The following PTPRK variants were observed in gnomAD, a reference collection of about 807,000 sequenced individuals.
PTPRK encodes the protein protein tyrosine phosphatase receptor type K, also known as receptor-type tyrosine-protein phosphatase kappa.
A neutral mutation model predicts 178.0 loss-of-function variants in PTPRK; 75 were observed. The ratio of observed to expected loss-of-function variants is 0.42; its 90% CI spans 0.35 to 0.51. The LOEUF is 0.51. Ranked by LOEUF, PTPRK falls within the 20% of genes least tolerant of loss-of-function variation. The probability of loss-of-function intolerance (pLI) is 0.02; values close to 1 mark genes in which losing one functional copy is unlikely to be tolerated. For synonymous variants in PTPRK, 637 were observed against 620.6 expected (o/e 1.03, Z -0.39); for missense variants, 1,441 against 1,797.8 (o/e 0.80, Z 3.59).
chr6:128,130,008 T>C (rs1793969615), intron 7 of PTPRK, among the ~76,000 whole-genome samples: 1 of 152,154 alleles, frequency 6.6e-6, no homozygotes, highest in Non-Finnish European at 1.5e-5. Flanking sequence ...GTTCTGAATG[T>C]ACTACTCTGC....
At chr6:128,240,265 A>G in intron 4 of PTPRK, 115 bp from the exon 5 acceptor site, 1 of 751,588 alleles carries the variant, frequency 1.3e-6, no homozygotes, top group Non-Finnish European at 2.2e-6. Flanking sequence ...CAAGACTAAC[A>G]TCAGAAAGAA....
chr6:128,485,272 G>C (rs186307673), intron 1 of PTPRK, among the ~76,000 whole-genome samples: 63 of 152,308 alleles, frequency 4.1e-4, no homozygotes, highest in Middle Eastern at 3.4e-3. Flanking sequence ...TTCTAAGTAA[G>C]TAACCAGCTA....
chr6:128,293,023 C>T (rs1245007790), intron 3 of PTPRK, among the ~76,000 whole-genome samples: 1 of 151,048 alleles, frequency 6.6e-6, no homozygotes, highest in Admixed American at 6.6e-5. Flanking sequence ...GCTTTGTGAC[C>T]CTGGTTAAGA....
chr6:128,128,848 A>C (rs1020095703), intron 7 of PTPRK, among the ~76,000 whole-genome samples: 2 of 152,234 alleles, frequency 1.3e-5, no homozygotes, highest in Non-Finnish European at 2.9e-5. Context: ...GTACGTTCAC[A>C]AGCTAATATG....
chr6:128,446,699 A>G (rs1847077556), intron 1 of PTPRK, among the ~76,000 whole-genome samples: 1 of 152,200 alleles, frequency 6.6e-6, no homozygotes, highest in African/African-American at 2.4e-5. Context: ...CAATTTAACT[A>G]AATTATAAGG....
At chr6:128,054,778 C>G (rs979741980) in intron 13 of PTPRK, among the ~76,000 whole-genome samples, 2 of 152,192 alleles carry the variant, frequency 1.3e-5, no homozygotes, top group Non-Finnish European at 2.9e-5. Flanking sequence ...TTTCATATCC[C>G]TACCCTCAGA....
intron 3 of PTPRK, among the ~76,000 whole-genome samples, chr6:128,303,650 A>C (rs1825961617): frequency 6.6e-6 from 1 of 152,184 alleles, no homozygotes; most frequent in African/African-American, 2.4e-5. Flanking sequence ...AATATCTTAA[A>C]ATAATATCTG....
intron 3 of PTPRK, among the ~76,000 whole-genome samples, chr6:128,256,777 C>CA (rs1321809010): frequency 2.0e-5 from 3 of 150,646 alleles, no homozygotes; most frequent in Non-Finnish European, 4.4e-5. Flanking sequence ...GACAATGATT[C>CA]AAAAAAAAGA....
rs913408066 is a variant in PTPRK, at chr6:128,251,854, C to A, written c.496-9252G>T. On this transcript the variant is annotated intron_variant, in intron 3 of 29. Transcript: ENST00000368226. ...ACAAGGGCTTTGATTACAAAAATAT[C>A]CTGAGGTTTAGCATTACCAATTGCC... 2.6e-5 allele frequency among the ~76,000 whole-genome samples: 4 copies of A among 152,200 alleles called. No individual in the cohort carries two copies. In the South Asian group the frequency reaches 8.3e-4, roughly 32 times the overall value.
At chr6:128,353,558 T>C (rs1833487221) in intron 2 of PTPRK, among the ~76,000 whole-genome samples, 2 of 152,300 alleles carry the variant, frequency 1.3e-5, no homozygotes, top group East Asian at 1.9e-4. Flanking sequence ...CTTGCATGGA[T>C]CCTAAGGGAA....
chr6:128,070,286 T>C (rs1305624063), intron 11 of PTPRK, among the ~76,000 whole-genome samples: 1 of 152,116 alleles, frequency 6.6e-6, no homozygotes, highest in Non-Finnish European at 1.5e-5. Flanking sequence ...CTCTACTTTA[T>C]ACTACAGTGT....
chr6:128,316,830 C>A (rs1828066325), intron 3 of PTPRK, among the ~76,000 whole-genome samples: 1 of 151,810 alleles, frequency 6.6e-6, no homozygotes, highest in South Asian at 2.1e-4. Context: ...GATTCTCCTG[C>A]CTCAGCCTCC....
intron 6 of PTPRK, among the ~76,000 whole-genome samples, chr6:128,214,544 CATTATT>C (rs369013218): frequency 5.3e-5 from 8 of 150,026 alleles, no homozygotes; most frequent in East Asian, 2.0e-4. Flanking sequence ...ACCAGTGATG[CATTATT>C]ATTATTATTA....
At chr6:128,065,470 C>A (rs1300370810) in intron 12 of PTPRK, among the ~76,000 whole-genome samples, 1 of 152,120 alleles carries the variant, frequency 6.6e-6, no homozygotes, top group East Asian at 1.9e-4. Context: ...CATGTCCCTG[C>A]CAGCTACTTT....
intron 3 of PTPRK, among the ~76,000 whole-genome samples, chr6:128,263,361 A>G (rs569452072): frequency 2.0e-5 from 3 of 152,292 alleles, no homozygotes; most frequent in Admixed American, 6.5e-5. Flanking sequence ...GTCTGCTGGT[A>G]AATGTTCAAC....
chr6:128,068,724 A>G (rs549092037), intron 11 of PTPRK, among the ~76,000 whole-genome samples: 1 of 151,004 alleles, frequency 6.6e-6, no homozygotes, highest in South Asian at 2.1e-4. Flanking sequence ...GAAAGTTGAC[A>G]TTATTATTAT....
At chr6:128,027,344 A>G (rs776319526) in intron 13 of PTPRK, among the ~76,000 whole-genome samples, 2 of 152,162 alleles carry the variant, frequency 1.3e-5, no homozygotes, top group African/African-American at 4.8e-5. Flanking sequence ...ATTTGAAGAA[A>G]TACGTATATT....
intron 7 of PTPRK, among the ~76,000 whole-genome samples, chr6:128,180,898 G>A (rs533755336): frequency 1.3e-5 from 2 of 152,098 alleles, no homozygotes; most frequent in Non-Finnish European, 2.9e-5. Flanking sequence ...CCTATGATAG[G>A]AATAAGAGGA....
chr6:128,202,058 C>G (rs566386004), intron 6 of PTPRK, among the ~76,000 whole-genome samples: 1 of 152,158 alleles, frequency 6.6e-6, no homozygotes, highest in Admixed American at 6.5e-5. Context: ...GGAAAATGGA[C>G]GAATAAAAGC....
Sources: gnomAD v4.1 joint callset for allele counts (sites outside exome capture counted in the v4.1 genomes callset) on GRCh38, gnomAD v4.1.1 for gene constraint, MANE v1.5 for transcripts, NCBI Gene and HGNC (gene_info 2026-07-23, HGNC 2026-07-21) for gene names.